LRRC49: variants seen among roughly 807,000 people sequenced by gnomAD.
The protein encoded by LRRC49 is leucine rich repeat containing 49.
A neutral mutation model predicts 83.3 loss-of-function variants in LRRC49; 50 were observed. The ratio of observed to expected loss-of-function variants is 0.60; its 90% confidence interval spans 0.48 to 0.76. LRRC49 has a LOEUF of 0.76. Among genes scored for constraint, LRRC49 ranks in the 30% least tolerant of loss-of-function variants. The pLI, the probability that LRRC49 is intolerant of heterozygous loss-of-function variation, is 0.00. For missense variants in LRRC49, 704 were observed against 809.1 expected (o/e 0.87, Z 1.58); for synonymous variants, 286 against 283.3 (o/e 1.01, Z -0.10).
Position 70,892,954 on chromosome 15 carries a change from C to T in LRRC49, c.48+12C>T. On this transcript the variant is annotated intron_variant, in intron 1 of 15. Transcript: ENST00000260382. ...GGGCTGCGAACAACGTAAGTTGGGC[C>T]TTCTACTTTCTCTTTCTTCCCACTG... 6.2e-7 allele frequency: 1 copy of T among 1,614,054 alleles called. No individual in the cohort carries two copies. Among genetic ancestry groups the T allele is most frequent in the Non-Finnish European group, 8.5e-7 (1 of 1,179,906 alleles).
At chr15:71,029,232 C>T (rs2039271842) in intron 14 of LRRC49, among the ~76,000 whole-genome samples, 1 of 152,056 alleles carries the variant, frequency 6.6e-6, no homozygotes, top group Non-Finnish European at 1.5e-5. Flanking sequence ...GCAGATTGTT[C>T]AATTTCCATG....
chr15:71,008,845 T>C (rs548276159), intron 12 of LRRC49, among the ~76,000 whole-genome samples: 14 of 151,978 alleles, frequency 9.2e-5, no homozygotes, highest in African/African-American at 3.4e-4. Context: ...CTTTGTGGAG[T>C]AGAAAAAGAC....
intron 1 of LRRC49, among the ~76,000 whole-genome samples, chr15:70,855,747 G>A (rs1308983634): frequency 6.6e-6 from 1 of 152,234 alleles, no homozygotes; most frequent in Non-Finnish European, 1.5e-5. Flanking sequence ...AAGGAAGAGA[G>A]AGAGACCTTT....
chr15:71,008,631 T>C lies in LRRC49; in HGVS notation c.1407+15T>C, dbSNP rs773067242. 63 of 1,563,874 alleles carry C rather than the reference T, an allele frequency of 4.0e-5. No homozygotes were observed. Among genetic ancestry groups the C allele is most frequent in the Non-Finnish European group, 5.2e-5 (59 of 1,135,874 alleles). ...CTAATTCTCTGGTAAATATTTCCTT[T>C]TAGTAGTATATTTGAATATTCTTAG... On this transcript the variant is annotated intron_variant, in intron 12 of 15. Coordinates refer to ENST00000260382, the MANE Select transcript of LRRC49 (RefSeq NM_017691.5).
chr15:70,976,690 TC>T (rs978210841), intron 9 of LRRC49, among the ~76,000 whole-genome samples: 1 of 151,612 alleles, frequency 6.6e-6, no homozygotes, highest in East Asian at 1.9e-4. Flanking sequence ...GATCCCAGAT[TC>T]CCCCCCCAAC....
chr15:71,002,439 G>A (rs1651634181), intron 11 of LRRC49, among the ~76,000 whole-genome samples: 1 of 151,900 alleles, frequency 6.6e-6, no homozygotes, highest in African/African-American at 2.4e-5. Context: ...CTGTACTTGG[G>A]ACAGCTCTAC....
In LRRC49 at chr15:70,997,447, G is replaced by T. The variant is rs116541341; in HGVS notation, c.1170-10932G>T. ...TTAATCCTGTAGAAAGCATATACTTGGAGCTTTAAAAAAAAAATCCTGGCT... is the reference window on the plus strand; with the variant it reads ...TTAATCCTGTAGAAAGCATATACTTTGAGCTTTAAAAAAAAAATCCTGGCT... On this transcript the variant is annotated intron_variant, in intron 11 of 15. Coordinates refer to ENST00000260382, the MANE Select transcript of LRRC49 (RefSeq NM_017691.5). 3.4e-3 allele frequency among the ~76,000 whole-genome samples: 523 copies of T among 151,994 alleles called. 5 individuals are homozygous for T. The highest frequency in any genetic ancestry group is 0.012 in the African/African-American group (509 of 41,406).
intron 12 of LRRC49, 70 bp from the exon 13 acceptor site, chr15:71,009,737 G>T: frequency 9.5e-7 from 1 of 1,047,546 alleles, no homozygotes; most frequent in Non-Finnish European, 1.4e-6. Flanking sequence ...GATTAGTGAA[G>T]CTTTAATGTT....
intron 14 of LRRC49, among the ~76,000 whole-genome samples, chr15:71,025,931 C>T (rs1170011189): frequency 6.6e-6 from 1 of 152,142 alleles, no homozygotes; most frequent in African/African-American, 2.4e-5. Flanking sequence ...TAGTGAGAGA[C>T]TTTAACACCC....
chr15:71,007,719 A>G (rs974996395), intron 11 of LRRC49, among the ~76,000 whole-genome samples: 5 of 117,674 alleles, frequency 4.2e-5, no homozygotes, highest in South Asian at 2.9e-4. Context: ...GTATATATAT[A>G]TATATATATA....
At chr15:70,873,263 A>G in intron 2 of LRRC49, 1 of 1,529,238 alleles carries the variant, frequency 6.5e-7, no homozygotes, top group Admixed American at 2.0e-5. Flanking sequence ...TTGTATAACA[A>G]TTATACTCTG....
chr15:71,038,256 AGTG>A (rs1356954256), intron 15 of LRRC49, among the ~76,000 whole-genome samples: 2 of 152,110 alleles, frequency 1.3e-5, no homozygotes, highest in East Asian at 3.8e-4. Flanking sequence ...AACATTTAGA[AGTG>A]TGTGTGTGGC....
intron 1 of LRRC49, among the ~76,000 whole-genome samples, chr15:70,871,778 C>A (rs903050254): frequency 1.3e-5 from 2 of 149,644 alleles, no homozygotes; most frequent in East Asian, 4.0e-4. Flanking sequence ...CGGGCAGAGG[C>A]TCTCCTCACA....
intron 15 of LRRC49, among the ~76,000 whole-genome samples, chr15:71,039,933 T>C (rs561252326): frequency 6.6e-6 from 1 of 152,304 alleles, no homozygotes; most frequent in African/African-American, 2.4e-5. Flanking sequence ...ACAGACAGCA[T>C]AACATTGATT....
chr15:70,957,336 C>T (rs1288027395), intron 8 of LRRC49, among the ~76,000 whole-genome samples: 1 of 152,076 alleles, frequency 6.6e-6, no homozygotes, highest in Non-Finnish European at 1.5e-5. Flanking sequence ...TTAAGTTTTC[C>T]AGCTTGTCTA....
At chr15:71,025,129 A>G (rs189104456) in intron 14 of LRRC49, among the ~76,000 whole-genome samples, 6 of 152,314 alleles carry the variant, frequency 3.9e-5, no homozygotes, top group Non-Finnish European at 8.8e-5. Flanking sequence ...ATACTTCAAG[A>G]TATCATCCAG....
Position 70,983,414 on chromosome 15 carries a change from A to G in LRRC49, c.1006-680A>G, listed in dbSNP as rs184086783. ...AAATCAGCAATCTGTTATAAGCTCCAGGTGATTTGAGGTACCCTGAAATTT... is the reference window on the plus strand; with the variant it reads ...AAATCAGCAATCTGTTATAAGCTCCGGGTGATTTGAGGTACCCTGAAATTT... On this transcript the variant is annotated intron_variant, in intron 10 of 15. Coordinates refer to ENST00000260382, the MANE Select transcript of LRRC49 (RefSeq NM_017691.5). Among the ~76,000 whole-genome samples, 46 of 152,258 alleles carry G rather than the reference A, an allele frequency of 3.0e-4. No individual in the cohort carries two copies. In the East Asian group the frequency reaches 6.7e-3, roughly 22 times the overall value.
In LRRC49 at chr15:71,050,781, A is replaced by G. The variant is rs1043212851; in HGVS notation, c.*1169A>G. The G allele has an allele frequency of 6.6e-6, 1 of 152,030 alleles. No individual in the cohort carries two copies. The highest frequency in any genetic ancestry group is 1.5e-5 in the Non-Finnish European group (1 of 68,044). 9.4% of individuals were successfully genotyped at this position (152,030 alleles called of 1,614,324 possible). A position where few individuals can be genotyped will look rare whatever the true frequency, so the allele number is the denominator to read the frequency against. On this transcript the variant is annotated 3_prime_UTR_variant, in exon 16 of 16. Coordinates refer to ENST00000260382, the MANE Select transcript of LRRC49 (RefSeq NM_017691.5). ...ACTCTTCTCCCAAAAGGCGTGCTTA[A>G]CTTTAACAGGTTACCATTTTTCTGA... is the stretch of plus-strand genomic sequence containing the variant.
intron 14 of LRRC49, among the ~76,000 whole-genome samples, chr15:71,019,007 G>GT (rs1340817481): frequency 6.6e-6 from 1 of 152,158 alleles, no homozygotes; most frequent in Non-Finnish European, 1.5e-5. Flanking sequence ...AAAGGGCAAG[G>GT]TATGTGGGAA....
Sources: allele counts gnomAD v4.1 joint callset (sites outside exome capture counted in the v4.1 genomes callset), GRCh38; gene constraint gnomAD v4.1.1; transcripts MANE v1.5; gene names NCBI Gene and HGNC (gene_info 2026-07-23, HGNC 2026-07-21).